The following TMEM131L variants were observed in gnomAD, a reference collection of about 807,000 sequenced individuals.
TMEM131L encodes transmembrane 131 like.
TMEM131L carries 54 observed loss-of-function variants against 192.2 expected under a neutral mutation model. That is an observed-to-expected ratio of 0.28 (90% CI 0.23 to 0.35). The LOEUF is 0.35. Among genes scored for constraint, TMEM131L ranks in the 10% least tolerant of loss-of-function variants. The pLI is 1.00. For synonymous variants in TMEM131L, 701 were observed against 704.9 expected (o/e 0.99, Z 0.09); for missense variants, 1,888 against 1,972.9 (o/e 0.96, Z 0.82).
chr4:153,591,465 C>A (rs931890688), intron 17 of TMEM131L, among the ~76,000 whole-genome samples: 7 of 152,214 alleles, frequency 4.6e-5, no homozygotes, highest in African/African-American at 1.7e-4. Context: ...AACTAGGAGT[C>A]ATTTTATAAC....
At chr4:153,486,334 T>C (rs972676423) in intron 3 of TMEM131L, among the ~76,000 whole-genome samples, 1 of 152,256 alleles carries the variant, frequency 6.6e-6, no homozygotes, top group African/African-American at 2.4e-5. Flanking sequence ...GGGATTAGTT[T>C]GTGGAACACA....
At chr4:153,497,878 C>CAAAAAAAAAA (rs200874155) in intron 3 of TMEM131L, among the ~76,000 whole-genome samples, 1 of 70,344 alleles carries the variant, frequency 1.4e-5, no homozygotes, top group Non-Finnish European at 3.0e-5. Context: ...GAAAAATTTC[C>CAAAAAAAAAA]AAAAAAAAAA....
At chr4:153,629,805 C>T (rs187323785) in intron 31 of TMEM131L, among the ~76,000 whole-genome samples, 11 of 152,308 alleles carry the variant, frequency 7.2e-5, no homozygotes, top group African/African-American at 2.6e-4. Flanking sequence ...CAGCTTCTCC[C>T]CATCTCCCCA....
At position 153,599,111 on chromosome 4, in the gene TMEM131L, C is replaced by T. The variant is rs183074806; in HGVS notation, c.2266+379C>T. 1.1e-4 allele frequency among the ~76,000 whole-genome samples: 16 copies of T among 152,276 alleles called. No homozygotes were observed. In the South Asian group the frequency reaches 1.2e-3, roughly 12 times the overall value. On this transcript the variant is annotated intron_variant, in intron 21 of 34. Coordinates refer to ENST00000409959, the MANE Select transcript of TMEM131L (RefSeq NM_001131007.2). ...GTGTAGGAAGCATGATGCTGGCATC[C>T]GCTCAGCTTCTGAGGAAGCCTCAGG...
intron 3 of TMEM131L, among the ~76,000 whole-genome samples, chr4:153,484,820 TAAA>T (rs1202314990): frequency 8.0e-6 from 1 of 125,744 alleles, no homozygotes; most frequent in East Asian, 2.3e-4. Context: ...CTTTGGAAAT[TAAA>T]AAAAAAAAAA....
At chr4:153,499,222 G>A (rs1733410435) in intron 3 of TMEM131L, among the ~76,000 whole-genome samples, 1 of 152,190 alleles carries the variant, frequency 6.6e-6, no homozygotes. Flanking sequence ...CTGGGCAGTC[G>A]CCTCCCTGCG....
Position 153,588,982 on chromosome 4 carries a change from A to G in TMEM131L, c.1645A>G (p.Lys549Glu). 1 of 1,589,040 alleles carries G rather than the reference A, an allele frequency of 6.3e-7. No individual in the cohort carries two copies. The highest frequency in any genetic ancestry group is 8.6e-7 in the Non-Finnish European group (1 of 1,157,406). Residue 549 changes from lysine (K) to glutamate (E), a missense_variant, in exon 16 of 35, where the codon AAA becomes GAA. Physicochemically the swap from Lys to Glu is moderately conservative, Grantham distance 56 (BLOSUM62 1). Transcript: ENST00000409959. ...LANKLYERWK[K>E]YKNGDVCKRN... Reference sequence around the variant, plus strand: ...AAATAAATTGTATGAAAGATGGAAGAAATATAAAAATGGTGACGTCTGCAA... The same window carrying G: ...AAATAAATTGTATGAAAGATGGAAGGAATATAAAAATGGTGACGTCTGCAA...
intron 3 of TMEM131L, among the ~76,000 whole-genome samples, chr4:153,534,670 T>G (rs751674015): frequency 3.3e-5 from 5 of 152,156 alleles, no homozygotes; most frequent in Non-Finnish European, 5.9e-5. Flanking sequence ...CCTGACCTCG[T>G]GATACGCCCG....
Position 153,515,088 on chromosome 4 carries a change from A to G in TMEM131L, c.240-34985A>G, listed in dbSNP as rs542777890. On this transcript the variant is annotated intron_variant, in intron 3 of 34. Transcript: ENST00000409959. ...CGGCCTCCCGAAGTGCTGGGATTGC[A>G]GGCATTAGCCACCGTGCTCAGCCTA... 5.6e-4 allele frequency among the ~76,000 whole-genome samples: 86 copies of G among 152,356 alleles called. 1 individual carries two copies. In the South Asian group the frequency reaches 0.017, roughly 31 times the overall value.
Position 153,596,265 on chromosome 4 carries a change from A to G in TMEM131L, c.2003A>G (p.His668Arg). ...LTEACPYLGT[H>R]SEESRFGILH... is the part of the protein sequence containing the mutation. ...TAATTTGTTAATTTGCAGGGTACGC[A>G]TTCTGAGGAATCCAGGTTTGGCATC... Residue 668 changes from histidine (H) to arginine (R), a missense_variant, in exon 20 of 35, where the codon CAT becomes CGT. By Grantham distance (29) the His-to-Arg change is conservative. Coordinates refer to ENST00000409959, the MANE Select transcript of TMEM131L (RefSeq NM_001131007.2). The G allele has an allele frequency of 6.2e-7, 1 of 1,613,890 alleles. No individual in the cohort carries two copies. The highest frequency in any genetic ancestry group is 8.5e-7 in the Non-Finnish European group (1 of 1,179,788).
chr4:153,541,017 G>A (rs1736739559), intron 3 of TMEM131L, among the ~76,000 whole-genome samples: 1 of 152,158 alleles, frequency 6.6e-6, no homozygotes, highest in South Asian at 2.1e-4. Context: ...AATGCAAAAT[G>A]TATTTTGTAT....
At chr4:153,518,953 T>C (rs1348714646) in intron 3 of TMEM131L, among the ~76,000 whole-genome samples, 1 of 152,202 alleles carries the variant, frequency 6.6e-6, no homozygotes, top group Non-Finnish European at 1.5e-5. Context: ...CAAGAGACCT[T>C]AACCTGGGGT....
chr4:153,584,474 C>T (rs574609702), intron 11 of TMEM131L, among the ~76,000 whole-genome samples: 1 of 152,298 alleles, frequency 6.6e-6, no homozygotes, highest in Non-Finnish European at 1.5e-5. Flanking sequence ...TTATTTTGAT[C>T]AATCAGCACT....
intron 3 of TMEM131L, among the ~76,000 whole-genome samples, chr4:153,511,169 G>A (rs2150072278): frequency 6.6e-6 from 1 of 152,286 alleles, no homozygotes; most frequent in African/African-American, 2.4e-5. Context: ...CTATCATAAA[G>A]ACACATGCAC....
intron 10 of TMEM131L, 86 bp downstream of exon 10, chr4:153,583,334 G>C: frequency 1.2e-6 from 1 of 833,100 alleles, no homozygotes; most frequent in Non-Finnish European, 2.1e-6. Flanking sequence ...CAGGAACAGA[G>C]ACAGAAGCAC....
At chr4:153,633,118 G>GA (rs555314056) in intron 32 of TMEM131L, 941 of 263,228 alleles carry the variant, frequency 3.6e-3, no homozygotes, top group East Asian at 5.1e-3. Context: ...AGGCAGATTT[G>GA]AAAAAAAAAC....
Position 153,634,230 on chromosome 4 carries a change from C to A in TMEM131L, c.4367C>A (p.Ser1456Tyr). 1 of 1,614,110 alleles carries A rather than the reference C, an allele frequency of 6.2e-7. No homozygotes were observed. The highest frequency in any genetic ancestry group is 1.1e-5 in the South Asian group (1 of 91,090). ...AGTGCAACATGCGAAGGCCAGTTTT[C>A]CAGCGCATACTGTCCATTGGAATTG... ...DWSATCEGQF[S>Y]SAYCPLELND... Residue 1456 changes from serine (S) to tyrosine (Y), a missense_variant, in exon 33 of 35, where the codon TCC (serine) becomes TAC (tyrosine). By Grantham distance (144) the Ser-to-Tyr change is moderately radical (BLOSUM62 -2). Coordinates refer to ENST00000409959, the MANE Select transcript of TMEM131L (RefSeq NM_001131007.2).
At chr4:153,526,237 A>G (rs1735472745) in intron 3 of TMEM131L, among the ~76,000 whole-genome samples, 1 of 152,192 alleles carries the variant, frequency 6.6e-6, no homozygotes, top group Non-Finnish European at 1.5e-5. Flanking sequence ...GCAAGGGCAT[A>G]AAGTTTGTGT....
intron 3 of TMEM131L, among the ~76,000 whole-genome samples, chr4:153,527,798 AGT>A (rs1318418268): frequency 6.6e-6 from 1 of 152,158 alleles, no homozygotes; most frequent in Non-Finnish European, 1.5e-5. Context: ...CTGAGCCTGG[AGT>A]GTCATCTTGG....
Sources: gnomAD v4.1 joint callset for allele counts (sites outside exome capture counted in the v4.1 genomes callset) on GRCh38, gnomAD v4.1.1 for gene constraint, MANE v1.5 for transcripts, NCBI Gene and HGNC (gene_info 2026-07-23, HGNC 2026-07-21) for gene names.